The following TRPS1 variants were observed in gnomAD, a reference collection of about 807,000 sequenced individuals.
The protein encoded by TRPS1 is zinc finger transcription factor Trps1.
In TRPS1, 6 loss-of-function variants were observed where a neutral mutation model predicts 101.2. The observed-to-expected ratio is 0.06, with a 90% confidence interval of 0.03 to 0.12. The LOEUF is 0.12. Among genes scored for constraint, TRPS1 ranks in the 10% least tolerant of loss-of-function variants. The pLI is 1.00. For synonymous variants in TRPS1, 578 were observed against 589.8 expected (o/e 0.98, Z 0.29); for missense variants, 1,363 against 1,567.0 (o/e 0.87, Z 2.20).
At chr8:115,535,338 C>T (rs1027382724) in intron 5 of TRPS1, among the ~76,000 whole-genome samples, 1 of 139,654 alleles carries the variant, frequency 7.2e-6, no homozygotes, top group African/African-American at 2.8e-5. Flanking sequence ...ATATATAGCG[C>T]ATATATATAG....
In TRPS1 at chr8:115,587,405, C is replaced by G; in HGVS notation, c.2296G>C (p.Asp766His). 1.2e-6 allele frequency: 2 copies of G among 1,614,216 alleles called. No homozygotes were observed. ...DFRVYNLLTP[D>H]SKMGEPVSES... ...GAAACTGGCTCTCCCATTTTAGAGT[C>G]TGGAGTTAGCAGATTGTAGACCCTG... is the stretch of plus-strand genomic sequence containing the variant. Residue 766 changes from aspartate to histidine, a missense_variant, in exon 5 of 7, where the codon GAC becomes CAC. Asp to His is a moderately conservative substitution (Grantham distance 81). Coordinates refer to ENST00000395715, the MANE Select transcript of TRPS1 (RefSeq NM_014112.5).
chr8:115,665,138 T>C (rs1465548656), intron 1 of TRPS1, among the ~76,000 whole-genome samples: 1 of 152,098 alleles, frequency 6.6e-6, no homozygotes, highest in Non-Finnish European at 1.5e-5. Context: ...TTATGAAAAA[T>C]GTTTAAAGGT....
At chr8:115,602,755 T>C (rs1817937783) in intron 4 of TRPS1, among the ~76,000 whole-genome samples, 2 of 152,204 alleles carry the variant, frequency 1.3e-5, no homozygotes, top group African/African-American at 4.8e-5. Context: ...GTATAGTAAG[T>C]AAAGCTTTCT....
At position 115,446,345 on chromosome 8, in the gene TRPS1, A is replaced by AC. The variant is rs111261934; in HGVS notation, c.2701-27894_2701-27893insG. On this transcript the variant is annotated intron_variant, in intron 5 of 6. Transcript: ENST00000395715. ...TTTTCCTGTCAGACAAAAAAAAAAA[A>AC]ACCAACCCAAAAACTGTTTCTTCCC... Among the ~76,000 whole-genome samples the AC allele has an allele frequency of 7.1e-3, 1,068 of 150,552 alleles. 13 individuals are homozygous for AC. Among genetic ancestry groups the AC allele is most frequent in the African/African-American group, 0.022 (888 of 41,154 alleles).
intron 5 of TRPS1, among the ~76,000 whole-genome samples, chr8:115,531,278 G>A (rs1397557164): frequency 1.3e-5 from 2 of 152,068 alleles, no homozygotes; most frequent in Non-Finnish European, 2.9e-5. Context: ...ATATTAAACC[G>A]GCTAGTTCTG....
At chr8:115,632,925 T>C (rs1818679899) in intron 1 of TRPS1, among the ~76,000 whole-genome samples, 1 of 152,174 alleles carries the variant, frequency 6.6e-6, no homozygotes, top group Non-Finnish European at 1.5e-5. Context: ...GTATTTGTTT[T>C]GTAATAATTC....
intron 5 of TRPS1, among the ~76,000 whole-genome samples, chr8:115,475,872 T>C (rs1346205532): frequency 6.6e-6 from 1 of 152,106 alleles, no homozygotes; most frequent in Non-Finnish European, 1.5e-5. Flanking sequence ...TCTAGCTCAA[T>C]AAACTTGAAG....
At chr8:115,550,738 G>C (rs1289119210) in intron 5 of TRPS1, among the ~76,000 whole-genome samples, 1 of 152,036 alleles carries the variant, frequency 6.6e-6, no homozygotes, top group Admixed American at 6.6e-5. Context: ...TGGTATTCTT[G>C]GAAATCTATA....
intron 3 of TRPS1, among the ~76,000 whole-genome samples, chr8:115,608,296 C>G (rs1818085442): frequency 6.6e-6 from 1 of 152,250 alleles, no homozygotes; most frequent in Non-Finnish European, 1.5e-5. Context: ...TTATATTAAA[C>G]TGTAATTTCT....
At chr8:115,540,883 TTA>T (rs1255172890) in intron 5 of TRPS1, among the ~76,000 whole-genome samples, 4 of 152,030 alleles carry the variant, frequency 2.6e-5, no homozygotes, top group Non-Finnish European at 5.9e-5. Flanking sequence ...TTTCAAATGC[TTA>T]TGATCTTTTC....
intron 5 of TRPS1, among the ~76,000 whole-genome samples, chr8:115,570,917 G>A (rs1053298235): frequency 9.9e-5 from 15 of 152,188 alleles, no homozygotes; most frequent in East Asian, 1.9e-4. Flanking sequence ...ACTTCTGACC[G>A]AACCAGAATA....
chr8:115,621,099 A>C (rs769249425), intron 2 of TRPS1, among the ~76,000 whole-genome samples: 1 of 152,212 alleles, frequency 6.6e-6, no homozygotes, highest in Non-Finnish European at 1.5e-5. Context: ...CTTCTGCTGG[A>C]GTAGAATGAG....
intron 5 of TRPS1, among the ~76,000 whole-genome samples, chr8:115,545,217 C>T (rs114956531): frequency 0.017 from 2,600 of 152,240 alleles, 69 homozygotes; most frequent in African/African-American, 0.058. Context: ...AGAAAGAATA[C>T]ACTGATGACC....
intron 5 of TRPS1, among the ~76,000 whole-genome samples, chr8:115,455,111 T>G (rs962695838): frequency 1.3e-5 from 2 of 152,218 alleles, no homozygotes; most frequent in African/African-American, 2.4e-5. Context: ...TCCTTGTACT[T>G]TAAGGTGTAA....
chr8:115,640,502 T>G (rs1324165370), intron 1 of TRPS1, among the ~76,000 whole-genome samples: 1 of 152,194 alleles, frequency 6.6e-6, no homozygotes, highest in Non-Finnish European at 1.5e-5. Context: ...AAGACACAGG[T>G]CTACTGTTCA....
rs953050203 is a variant in TRPS1, at chr8:115,418,538, A to G, written c.2701-86T>C. 3.2e-6 allele frequency: 5 copies of G among 1,585,518 alleles called. No individual in the cohort carries two copies. The highest frequency in any genetic ancestry group is 4.3e-6 in the Non-Finnish European group (5 of 1,155,330). On this transcript the variant is annotated intron_variant, in intron 5 of 6. Transcript: ENST00000395715. The surrounding 1 kb of genome is among the most constrained non-coding windows in gnomAD (Gnocchi z 4.3). ...AAATCAACCCAGGAGTTTTGTCTTT[A>G]AACTAGCAACAATGACAGTATAAAA...
chr8:115,498,480 T>C (rs1815222831), intron 5 of TRPS1, among the ~76,000 whole-genome samples: 1 of 143,264 alleles, frequency 7.0e-6, no homozygotes, highest in Non-Finnish European at 1.5e-5. Context: ...ACTATAGGAA[T>C]ATTTCCAACA....
At chr8:115,473,844 T>A (rs1005854589) in intron 5 of TRPS1, among the ~76,000 whole-genome samples, 1 of 152,200 alleles carries the variant, frequency 6.6e-6, no homozygotes, top group African/African-American at 2.4e-5. Flanking sequence ...AAAGGGATAG[T>A]ATATGTTATG....
At chr8:115,424,152 T>A (rs577102793) in intron 5 of TRPS1, among the ~76,000 whole-genome samples, 14 of 152,366 alleles carry the variant, frequency 9.2e-5, no homozygotes, top group Non-Finnish European at 1.6e-4. Flanking sequence ...GCAGAATATT[T>A]ACTCACATTT....
Sources: allele counts gnomAD v4.1 joint callset (sites outside exome capture counted in the v4.1 genomes callset), GRCh38; gene constraint gnomAD v4.1.1; non-coding constraint Gnocchi (gnomAD v3.1); transcripts MANE v1.5; gene names NCBI Gene and HGNC (gene_info 2026-07-23, HGNC 2026-07-21).